Variants in IQSEC1 observed in about 807,000 individuals in gnomAD.
IQSEC1 encodes IQ motif and SEC7 domain-containing protein 1.
Under a neutral mutation model 91.0 loss-of-function variants are expected in IQSEC1, and 31 were observed. That is an observed-to-expected ratio of 0.34 (90% CI 0.26 to 0.46). The LOEUF (loss-of-function observed/expected upper bound fraction) is 0.46, where lower values mean the gene tolerates loss of function less well. Among genes scored for constraint, IQSEC1 ranks in the 20% least tolerant of loss-of-function variants. The pLI, the probability that IQSEC1 is intolerant of heterozygous loss-of-function variation, is 1.00. For synonymous variants in IQSEC1, 699 were observed against 662.6 expected (o/e 1.05, Z -0.84); for missense variants, 1,388 against 1,575.6 (o/e 0.88, Z 2.02).
rs370351857 is a variant in IQSEC1, at chr3:13,123,986, G to C, written c.302+40118C>G. Among the ~76,000 whole-genome samples the C allele has an allele frequency of 1.1e-4, 16 of 152,314 alleles. No homozygotes were observed. The South Asian group carries it at 3.3e-3, about 32-fold the overall frequency. On this transcript the variant is annotated intron_variant, in intron 2 of 15. Transcript: ENST00000648114. ...GCCACACCTGTTCATTTCTGCATTG[G>C]GTATGACAGCTTTGAGAACAACAGC...
chr3:13,167,620 C>T (rs2124994109), intron 1 of IQSEC1, among the ~76,000 whole-genome samples: 1 of 152,302 alleles, frequency 6.6e-6, no homozygotes, highest in African/African-American at 2.4e-5. Flanking sequence ...GAGGCTCAGA[C>T]AGCCAGTGCT....
chr3:12,906,235 C>T (rs1166532439), intron 12 of IQSEC1, among the ~76,000 whole-genome samples: 1 of 152,226 alleles, frequency 6.6e-6, no homozygotes, highest in Non-Finnish European at 1.5e-5. Flanking sequence ...GGGACACTGT[C>T]CGCAGGCTCA....
At chr3:12,991,504 T>C (rs1299356823) in intron 1 of IQSEC1, among the ~76,000 whole-genome samples, 1 of 152,146 alleles carries the variant, frequency 6.6e-6, no homozygotes, top group Non-Finnish European at 1.5e-5. Flanking sequence ...GAAACACCTC[T>C]TGATAGGAAT....
chr3:12,907,241 CAA>C (rs1287704001), intron 12 of IQSEC1, among the ~76,000 whole-genome samples: 3 of 152,032 alleles, frequency 2.0e-5, no homozygotes, highest in Non-Finnish European at 2.9e-5. Context: ...AAAACGAAAA[CAA>C]AGGAAAAAAT....
rs1036970306 is a variant in IQSEC1 at position 12,909,738 on chromosome 3, TCTC to T, written c.2417-307_2417-305del. 2.8e-4 allele frequency among the ~76,000 whole-genome samples: 42 copies of T among 152,296 alleles called. No homozygotes were observed. In the Middle Eastern group the frequency reaches 0.02, roughly 74 times the overall value. On this transcript the variant is annotated intron_variant, in intron 10 of 13. Coordinates refer to ENST00000613206, the MANE Select transcript of IQSEC1 (RefSeq NM_001134382.3). The surrounding 1 kb of genome is among the most constrained non-coding windows in gnomAD (Gnocchi z 4.9). Reference sequence around the variant, plus strand: ...TGCGTCCTGAGAAAGGTGGGAGTCTTCTCTAGTCATCTCAGTTCTGGACAGCAG... The same window carrying T: ...TGCGTCCTGAGAAAGGTGGGAGTCTTTAGTCATCTCAGTTCTGGACAGCAG...
chr3:12,953,211 T>C (rs1278439569), intron 1 of IQSEC1, among the ~76,000 whole-genome samples: 2 of 152,218 alleles, frequency 1.3e-5, no homozygotes, highest in Non-Finnish European at 2.9e-5. Context: ...GCTGTCTCCA[T>C]GCCTCTTGGT....
chr3:13,064,829 G>A (rs1335812320), intron 1 of IQSEC1, among the ~76,000 whole-genome samples: 1 of 152,032 alleles, frequency 6.6e-6, no homozygotes, highest in African/African-American at 2.4e-5. Flanking sequence ...GGCCTGTCCT[G>A]CACAACCTAG....
At chr3:13,163,532 A>G (rs540603801) in intron 2 of IQSEC1, among the ~76,000 whole-genome samples, 1 of 152,128 alleles carries the variant, frequency 6.6e-6, no homozygotes, top group South Asian at 2.1e-4. Context: ...CTGACACCCC[A>G]GGTACTGTCT....
At chr3:13,147,360 C>T (rs1001415064) in intron 2 of IQSEC1, among the ~76,000 whole-genome samples, 3 of 150,962 alleles carry the variant, frequency 2.0e-5, no homozygotes, top group African/African-American at 4.9e-5. Context: ...TATATCACAC[C>T]GTATGCCTTT....
At chr3:13,167,009 G>A (rs1353256638) in intron 1 of IQSEC1, among the ~76,000 whole-genome samples, 1 of 152,240 alleles carries the variant, frequency 6.6e-6, no homozygotes, top group African/African-American at 2.4e-5. Context: ...GAGGATGCCT[G>A]TGCGTGTGTG....
chr3:12,936,393 G>A lies in IQSEC1; in HGVS notation c.623C>T (p.Thr208Ile), dbSNP rs1457617498. The change falls in exon 3 of 14, where the codon ACC (threonine) becomes ATC (isoleucine). Residue 208 changes from threonine (T) to isoleucine (I), a missense_variant. Physicochemically the swap from Thr to Ile is moderately conservative, Grantham distance 89 (BLOSUM62 -1). Coordinates refer to ENST00000613206, the MANE Select transcript of IQSEC1 (RefSeq NM_001134382.3). ...PECGDLSEPTTLKSPAPSSDF... is the reference protein window; with the variant it reads ...PECGDLSEPTILKSPAPSSDF... ...ACTGGAGGGGGCCGGAGACTTGAGGGTGGTGGGCTCGCTGAGGTCACCACA... is the reference window on the plus strand; with the variant it reads ...ACTGGAGGGGGCCGGAGACTTGAGGATGGTGGGCTCGCTGAGGTCACCACA... 2 of 1,595,474 alleles carry A rather than the reference G, an allele frequency of 1.3e-6. No homozygotes were observed. Among genetic ancestry groups the A allele is most frequent in the African/African-American group, 1.3e-5 (1 of 74,564 alleles).
chr3:12,905,424 AG>A (rs1429087607), intron 12 of IQSEC1, among the ~76,000 whole-genome samples: 48 of 152,238 alleles, frequency 3.2e-4, no homozygotes, highest in Non-Finnish European at 1.8e-4. Flanking sequence ...CAGAAATGAT[AG>A]CTATGCACAC....
At chr3:13,072,710 T>C (rs568167553) in intron 1 of IQSEC1, among the ~76,000 whole-genome samples, 52 of 152,358 alleles carry the variant, frequency 3.4e-4, no homozygotes, top group Non-Finnish European at 6.8e-4. Flanking sequence ...CTGGGCACCC[T>C]GAATGTGGAT....
At chr3:13,203,947 G>A (rs147520145) in intron 1 of IQSEC1, among the ~76,000 whole-genome samples, 46 of 152,356 alleles carry the variant, frequency 3.0e-4, no homozygotes, top group African/African-American at 1.1e-3. Context: ...GCTGGGACTC[G>A]GCTTTCCTGC....
chr3:13,162,742 A>T (rs779722597), intron 2 of IQSEC1, among the ~76,000 whole-genome samples: 1 of 152,102 alleles, frequency 6.6e-6, no homozygotes, highest in Non-Finnish European at 1.5e-5. Flanking sequence ...AGCTTTCTCC[A>T]TCGTGCACCA....
At chr3:12,985,993 T>C (rs559039128) in intron 1 of IQSEC1, among the ~76,000 whole-genome samples, 1 of 152,358 alleles carries the variant, frequency 6.6e-6, no homozygotes, top group Admixed American at 6.5e-5. Flanking sequence ...TAGGGTTGAC[T>C]GAGTGCCCAT....
At chr3:13,064,001 T>TAA (rs3045648) in intron 1 of IQSEC1, among the ~76,000 whole-genome samples, 9 of 134,786 alleles carry the variant, frequency 6.7e-5, no homozygotes, top group Admixed American at 2.1e-4. Context: ...TTTGCAGTTG[T>TAA]AAAAAAAAAA....
At chr3:12,973,727 T>C (rs1559689107) in intron 1 of IQSEC1, among the ~76,000 whole-genome samples, 1 of 152,344 alleles carries the variant, frequency 6.6e-6, no homozygotes, top group East Asian at 1.9e-4. Context: ...ACCTACTGTG[T>C]ACCCACAAAA....
At chr3:13,062,073 T>C (rs536043664) in intron 1 of IQSEC1, among the ~76,000 whole-genome samples, 2 of 152,302 alleles carry the variant, frequency 1.3e-5, no homozygotes. Context: ...TTGGAGCCCC[T>C]GGAGCCAGCC....
Sources: gnomAD v4.1 joint callset for allele counts (sites outside exome capture counted in the v4.1 genomes callset) on GRCh38, gnomAD v4.1.1 for gene constraint, Gnocchi (gnomAD v3.1) non-coding constraint, MANE v1.5 for transcripts, NCBI Gene and HGNC (gene_info 2026-07-23, HGNC 2026-07-21) for gene names.